ELOVL6: variants seen among roughly 807,000 people sequenced by gnomAD.
The protein encoded by ELOVL6 is ELOVL fatty acid elongase 6.
In ELOVL6, 8 loss-of-function variants were observed where a neutral mutation model predicts 31.7. That is an observed-to-expected ratio of 0.25 (90% CI 0.15 to 0.45). The LOEUF is 0.45. ELOVL6 is among the 20% of genes least tolerant of loss of function. The pLI is 1.00. For synonymous variants in ELOVL6, 101 were observed against 117.7 expected, an observed-to-expected ratio of 0.86 and a Z score of 0.92; for missense variants, 126 against 326.4, an observed-to-expected ratio of 0.39 and a Z score of 4.73.
intron 2 of ELOVL6, among the ~76,000 whole-genome samples, chr4:110,096,400 T>G (rs7673952): frequency 0.6 from 91,471 of 152,074 alleles, 30,528 homozygotes; most frequent in African/African-American, 0.9. Context: ...TCACTTTATT[T>G]TGATTTGAGA....
intron 1 of ELOVL6, among the ~76,000 whole-genome samples, chr4:110,145,747 C>T (rs1482615865): frequency 6.6e-6 from 1 of 151,514 alleles, no homozygotes; most frequent in African/African-American, 2.4e-5. Context: ...AAATATGTCA[C>T]TCCTAGAAAT....
chr4:110,082,835 G>A (rs1237556277), intron 2 of ELOVL6, among the ~76,000 whole-genome samples: 1 of 152,244 alleles, frequency 6.6e-6, no homozygotes, highest in Non-Finnish European at 1.5e-5. Context: ...GACTGTGTAT[G>A]ATAGGCCATG....
intron 1 of ELOVL6, among the ~76,000 whole-genome samples, chr4:110,134,567 A>T (rs1757762598): frequency 6.6e-6 from 1 of 152,134 alleles, no homozygotes; most frequent in Admixed American, 6.5e-5. Context: ...GAGATCGGGA[A>T]ATAAAACATT....
intron 2 of ELOVL6, among the ~76,000 whole-genome samples, chr4:110,074,330 T>C (rs1017947256): frequency 5.9e-5 from 9 of 152,260 alleles, no homozygotes; most frequent in African/African-American, 1.9e-4. Context: ...GTTGTCTTTA[T>C]TTTTTTTCCT....
intron 1 of ELOVL6, among the ~76,000 whole-genome samples, chr4:110,136,525 A>G (rs909110564): frequency 6.6e-6 from 1 of 152,218 alleles, no homozygotes; most frequent in Non-Finnish European, 1.5e-5. Context: ...GCACTTCCTT[A>G]CAAACTAACA....
At chr4:110,088,886 A>C (rs2126238321) in intron 2 of ELOVL6, among the ~76,000 whole-genome samples, 1 of 140,976 alleles carries the variant, frequency 7.1e-6, no homozygotes, top group Admixed American at 7.0e-5. Flanking sequence ...GCACAACTTA[A>C]AACTGTATAA....
At chr4:110,085,897 T>G (rs1756250430) in intron 2 of ELOVL6, among the ~76,000 whole-genome samples, 1 of 152,128 alleles carries the variant, frequency 6.6e-6, no homozygotes, top group African/African-American at 2.4e-5. Flanking sequence ...TTGTACTTTT[T>G]GTAGAGATGG....
At position 110,065,378 on chromosome 4, in the gene ELOVL6, G is replaced by C. The variant is rs544076991; in HGVS notation, c.222-5624C>G. On this transcript the variant is annotated intron_variant, in intron 2 of 3. Transcript: ENST00000302274. Reference sequence around the variant, plus strand: ...ACAATGGCTCATGGCTGTAATCCTAGCACTTTGGAAGGCTGAAGTGGGTGG... The same window carrying C: ...ACAATGGCTCATGGCTGTAATCCTACCACTTTGGAAGGCTGAAGTGGGTGG... 2.0e-5 allele frequency among the ~76,000 whole-genome samples: 3 copies of C among 152,286 alleles called. No homozygotes were observed. The East Asian group carries it at 5.8e-4, about 29-fold the overall frequency.
intron 2 of ELOVL6, among the ~76,000 whole-genome samples, chr4:110,064,444 C>T (rs991956511): frequency 4.6e-5 from 7 of 151,998 alleles, no homozygotes; most frequent in African/African-American, 1.7e-4. Context: ...GTACTGTGTA[C>T]ATTTCTGCAC....
chr4:110,079,556 G>C (rs1167282121), intron 2 of ELOVL6, among the ~76,000 whole-genome samples: 3 of 151,996 alleles, frequency 2.0e-5, no homozygotes, highest in African/African-American at 4.8e-5. Flanking sequence ...AACAAAGACA[G>C]AACATACCAG....
intron 2 of ELOVL6, chr4:110,092,969 G>C (rs1756467542): frequency 3.4e-6 from 1 of 292,634 alleles, no homozygotes; most frequent in Non-Finnish European, 6.8e-6. Flanking sequence ...TTACATCTAA[G>C]TATATTACAT....
chr4:110,094,438 TATATA>T (rs1271734329), intron 2 of ELOVL6, among the ~76,000 whole-genome samples: 3 of 55,348 alleles, frequency 5.4e-5, no homozygotes, highest in African/African-American at 8.6e-5. Context: ...TATATATATA[TATATA>T]ATATATATAA....
chr4:110,190,500 C>T (rs142936103), intron 1 of ELOVL6, among the ~76,000 whole-genome samples: 4 of 152,048 alleles, frequency 2.6e-5, no homozygotes, highest in Admixed American at 6.6e-5. Context: ...TTGGGCAATA[C>T]TTTTTTTGTT....
intron 2 of ELOVL6, among the ~76,000 whole-genome samples, chr4:110,088,934 C>T (rs529551975): frequency 5.3e-5 from 8 of 152,232 alleles, no homozygotes; most frequent in South Asian, 2.1e-4. Context: ...CAGTTACCAC[C>T]GGTAACTGAA....
intron 1 of ELOVL6, among the ~76,000 whole-genome samples, chr4:110,150,334 G>A (rs1758245261): frequency 6.6e-6 from 1 of 152,148 alleles, no homozygotes; most frequent in Non-Finnish European, 1.5e-5. Context: ...ACAGACAGGC[G>A]ACAAGAAATA....
intron 1 of ELOVL6, among the ~76,000 whole-genome samples, chr4:110,149,377 C>T (rs945153744): frequency 6.6e-6 from 1 of 152,204 alleles, no homozygotes; most frequent in Non-Finnish European, 1.5e-5. Flanking sequence ...ATGGAATCGA[C>T]TTAAGTGTCC....
At chr4:110,168,077 A>G (rs941686680) in intron 1 of ELOVL6, among the ~76,000 whole-genome samples, 4 of 152,226 alleles carry the variant, frequency 2.6e-5, no homozygotes, top group Non-Finnish European at 5.9e-5. Context: ...TTGTCTTTGT[A>G]TCAATTTATG....
intron 2 of ELOVL6, among the ~76,000 whole-genome samples, chr4:110,063,758 A>AG (rs1755214770): frequency 6.6e-6 from 1 of 151,614 alleles, no homozygotes; most frequent in Non-Finnish European, 1.5e-5. Context: ...TTTAAAAAAA[A>AG]AAAAGAAAAT....
At chr4:110,077,134 G>C (rs1354610619) in intron 2 of ELOVL6, among the ~76,000 whole-genome samples, 1 of 152,234 alleles carries the variant, frequency 6.6e-6, no homozygotes, top group Non-Finnish European at 1.5e-5. Flanking sequence ...AAGGAGGCCT[G>C]CCTGCCTCTG....
Sources: allele counts gnomAD v4.1 joint callset (sites outside exome capture counted in the v4.1 genomes callset), GRCh38; gene constraint gnomAD v4.1.1; transcripts MANE v1.5; gene names NCBI Gene and HGNC (gene_info 2026-07-23, HGNC 2026-07-21).